MAGI1: variants seen among roughly 807,000 people sequenced by gnomAD.
The protein encoded by MAGI1 is membrane-associated guanylate kinase, WW and PDZ domain-containing protein 1.
A neutral mutation model predicts 139.9 loss-of-function variants in MAGI1; 58 were observed. The ratio of observed to expected loss-of-function variants is 0.41; its 90% CI spans 0.34 to 0.52. MAGI1 has a LOEUF of 0.52. Among genes scored for constraint, MAGI1 ranks in the 20% least tolerant of loss-of-function variants. MAGI1 has a pLI of 0.12. For synonymous variants in MAGI1, 812 were observed against 737.9 expected (o/e 1.10, Z -1.63); for missense variants, 1,874 against 1,901.6 (o/e 0.99, Z 0.27).
intron 1 of MAGI1, among the ~76,000 whole-genome samples, chr3:65,740,673 C>T (rs964288279): frequency 6.6e-6 from 1 of 152,204 alleles, no homozygotes; most frequent in African/African-American, 2.4e-5. Flanking sequence ...ATAATCTACT[C>T]TCAACTGTTA....
At chr3:65,431,910 T>A (rs1472456966) in intron 10 of MAGI1, among the ~76,000 whole-genome samples, 1 of 152,096 alleles carries the variant, frequency 6.6e-6, no homozygotes, top group East Asian at 1.9e-4. Context: ...GGACAATCAC[T>A]TGAATCCAGG....
intron 1 of MAGI1, among the ~76,000 whole-genome samples, chr3:65,998,102 C>CG (rs200452000): frequency 1.6e-5 from 2 of 125,924 alleles, no homozygotes; most frequent in African/African-American, 2.9e-5. Flanking sequence ...GACTCTGTCT[C>CG]GGGAAAAAAA....
At chr3:65,566,351 G>C (rs1042729770) in intron 2 of MAGI1, among the ~76,000 whole-genome samples, 1 of 152,054 alleles carries the variant, frequency 6.6e-6, no homozygotes, top group Non-Finnish European at 1.5e-5. Flanking sequence ...ACTCAGAAAG[G>C]CATGAAGGCT....
intron 1 of MAGI1, among the ~76,000 whole-genome samples, chr3:65,901,547 C>T (rs975092481): frequency 6.6e-6 from 1 of 152,222 alleles, no homozygotes; most frequent in Non-Finnish European, 1.5e-5. Context: ...CAATTAAAAA[C>T]ATTCTCTCAC....
At chr3:65,781,493 G>A (rs768319159) in intron 1 of MAGI1, among the ~76,000 whole-genome samples, 2 of 152,164 alleles carry the variant, frequency 1.3e-5, no homozygotes, top group Admixed American at 6.5e-5. Context: ...AAACACGTAC[G>A]TGGTGGTTTG....
intron 1 of MAGI1, among the ~76,000 whole-genome samples, chr3:65,731,215 T>C (rs1576921033): frequency 3.9e-5 from 6 of 152,148 alleles, no homozygotes; most frequent in Admixed American, 3.9e-4. Context: ...CAGAATGTAA[T>C]AGCTTTGGAG....
At chr3:65,643,588 T>G (rs1017637961) in intron 1 of MAGI1, among the ~76,000 whole-genome samples, 1 of 152,112 alleles carries the variant, frequency 6.6e-6, no homozygotes, top group African/African-American at 2.4e-5. Flanking sequence ...TGGGTTTTCT[T>G]TATGTCTCAT....
chr3:65,886,726 G>A (rs2060545406), intron 1 of MAGI1, among the ~76,000 whole-genome samples: 2 of 152,192 alleles, frequency 1.3e-5, no homozygotes, highest in Admixed American at 1.3e-4. Context: ...CAGAATCACA[G>A]TAGCGTAGGA....
intron 1 of MAGI1, among the ~76,000 whole-genome samples, chr3:65,864,900 T>C (rs1367525157): frequency 6.6e-6 from 1 of 152,170 alleles, no homozygotes; most frequent in African/African-American, 2.4e-5. Context: ...AAGAAAGATA[T>C]GCAAATGGTC....
intron 1 of MAGI1, among the ~76,000 whole-genome samples, chr3:65,830,997 T>C (rs1459366445): frequency 1.4e-5 from 2 of 146,692 alleles, no homozygotes; most frequent in Non-Finnish European, 1.5e-5. Flanking sequence ...ATATGTACTT[T>C]TAGCAATTGG....
intron 1 of MAGI1, among the ~76,000 whole-genome samples, chr3:66,016,515 A>C (rs964083977): frequency 6.6e-6 from 1 of 152,216 alleles, no homozygotes; most frequent in Non-Finnish European, 1.5e-5. Context: ...TTTGCAAAGA[A>C]GCGACGAGGA....
intron 1 of MAGI1, among the ~76,000 whole-genome samples, chr3:65,657,826 T>C (rs934874037): frequency 3.3e-5 from 5 of 152,108 alleles, no homozygotes; most frequent in African/African-American, 9.7e-5. Flanking sequence ...AAACTTTGGT[T>C]TAAATCTTGA....
intron 5 of MAGI1, among the ~76,000 whole-genome samples, chr3:65,454,582 AAAG>A (rs1018571876): frequency 1.9e-4 from 28 of 149,694 alleles, no homozygotes; most frequent in Middle Eastern, 7.0e-3. Context: ...TACAAAAAAA[AAAG>A]AAGTTTTTTT....
chr3:65,743,566 G>A (rs1211521731), intron 1 of MAGI1, among the ~76,000 whole-genome samples: 9 of 152,154 alleles, frequency 5.9e-5, no homozygotes, highest in South Asian at 2.1e-4. Flanking sequence ...AAAATTAGCC[G>A]GGCGTGGTGG....
At chr3:65,486,193 T>C (rs1358258411) in intron 3 of MAGI1, among the ~76,000 whole-genome samples, 1 of 152,202 alleles carries the variant, frequency 6.6e-6, no homozygotes, top group Non-Finnish European at 1.5e-5. Context: ...AGCAAAACAA[T>C]AACATTATTG....
intron 1 of MAGI1, among the ~76,000 whole-genome samples, chr3:66,033,522 A>G (rs2068754474): frequency 6.6e-6 from 1 of 152,240 alleles, no homozygotes; most frequent in African/African-American, 2.4e-5. Flanking sequence ...ATGAGAAACC[A>G]AACAACTCTG....
intron 1 of MAGI1, among the ~76,000 whole-genome samples, chr3:65,950,078 C>CAAA (rs751496271): frequency 6.0e-4 from 24 of 40,314 alleles, no homozygotes; most frequent in Admixed American, 9.2e-4. Context: ...AAAAAAAAAA[C>CAAA]AAAAAAAAAA....
Position 65,470,261 on chromosome 3 carries a change from TAGA to T in MAGI1, c.959+19_959+21del. The T allele has an allele frequency of 6.6e-7, 1 of 1,512,712 alleles. No individual in the cohort carries two copies. Among genetic ancestry groups the T allele is most frequent in the Non-Finnish European group, 9.2e-7 (1 of 1,090,568 alleles). The allele number at this position is 1,512,712 out of a possible 1,614,324, so 93.7% of individuals were successfully genotyped here. ...GAAAAGAAAGAGAGAGAGATTTAGG[TAGA>T]AATAATGGTATACTTTACTCTATAA... On this transcript the variant is annotated intron_variant, in intron 5 of 22. Transcript: ENST00000402939.
chr3:65,797,581 T>C (rs1205740524), intron 1 of MAGI1, among the ~76,000 whole-genome samples: 1 of 151,988 alleles, frequency 6.6e-6, no homozygotes, highest in Non-Finnish European at 1.5e-5. Flanking sequence ...CCTGGTGTGG[T>C]GGCAAAGGCC....
Sources: gnomAD v4.1 joint callset for allele counts (sites outside exome capture counted in the v4.1 genomes callset) on GRCh38, gnomAD v4.1.1 for gene constraint, MANE v1.5 for transcripts, NCBI Gene and HGNC (gene_info 2026-07-23, HGNC 2026-07-21) for gene names.